The following HACE1 variants were observed in gnomAD, a reference collection of about 807,000 sequenced individuals.
HACE1 encodes the protein E3 ubiquitin-protein ligase HACE1.
HACE1 carries 73 observed loss-of-function variants against 118.4 expected under a neutral mutation model. That is an observed-to-expected ratio of 0.62 (90% CI 0.51 to 0.75). The LOEUF is 0.75. HACE1 is among the 30% of genes least tolerant of loss of function. The probability of loss-of-function intolerance (pLI) is 0.00; values close to 1 mark genes in which losing one functional copy is unlikely to be tolerated. For synonymous variants in HACE1, 368 were observed against 374.8 expected (o/e 0.98, Z 0.21); for missense variants, 749 against 1,102.2 (o/e 0.68, Z 4.54).
At chr6:104,804,037 G>T (rs910308907) in intron 7 of HACE1, among the ~76,000 whole-genome samples, 42 of 151,824 alleles carry the variant, frequency 2.8e-4, no homozygotes, top group Admixed American at 8.5e-4. Context: ...AAAATCAATG[G>T]GCAAAAATCA....
In HACE1 at chr6:104,785,018, A is replaced by G. The variant is rs1293563124; in HGVS notation, c.1376T>C (p.Phe459Ser). Residue 459 changes from phenylalanine (F) to serine (S), a missense_variant, in exon 12 of 24, where the codon TTT (phenylalanine) becomes TCT (serine). By Grantham distance (155) the Phe-to-Ser change is radical. Coordinates refer to ENST00000262903, the MANE Select transcript of HACE1 (RefSeq NM_020771.4). ...ANRLSAVIQA[F>S]YMCCSCQMPP... is the part of the protein sequence containing the mutation. ...CATCTGACAAGAACAGCACATGTAA[A>G]AAGCTTGAATGACAGCACTTAGCCG... The G allele has an allele frequency of 1.2e-6, 2 of 1,613,704 alleles. No individual in the cohort carries two copies. Among genetic ancestry groups the G allele is most frequent in the South Asian group, 2.2e-5 (2 of 90,950 alleles).
intron 7 of HACE1, among the ~76,000 whole-genome samples, chr6:104,808,600 T>G (rs983154956): frequency 6.6e-6 from 1 of 152,052 alleles, no homozygotes; most frequent in Non-Finnish European, 1.5e-5. Flanking sequence ...AGTTGACCCT[T>G]GAATATGATA....
chr6:104,732,395 C>T (rs1293186741), intron 22 of HACE1: 1 of 152,052 alleles, frequency 6.6e-6, no homozygotes, highest in Non-Finnish European at 1.5e-5. Flanking sequence ...ATATGTGCTA[C>T]AAAATGGATG....
At chr6:104,756,025 T>G (rs1778586768) in intron 19 of HACE1, among the ~76,000 whole-genome samples, 1 of 152,048 alleles carries the variant, frequency 6.6e-6, no homozygotes, top group South Asian at 2.1e-4. Context: ...ATAAAATAGA[T>G]AGACCTCTAG....
chr6:104,771,449 T>G lies in HACE1; in HGVS notation c.2015-60A>C, dbSNP rs1470881970. On this transcript the variant is annotated intron_variant, in intron 18 of 23. Transcript: ENST00000262903. ...GTTTTGCCTTCCCTTATCTATTTAA[T>G]GGTAAAATACTGCCCTCTACAGATA... is the stretch of plus-strand genomic sequence containing the variant. 3 of 1,054,020 alleles carry G rather than the reference T, an allele frequency of 2.8e-6. No individual in the cohort carries two copies. The African/African-American group carries it at 4.7e-5, about 16-fold the overall frequency. The allele number at this position is 1,054,020 out of a possible 1,614,324, so 65.3% of individuals were successfully genotyped here. A position where few individuals can be genotyped will look rare whatever the true frequency, so the allele number is the denominator to read the frequency against.
Position 104,846,296 on chromosome 6 carries a change from T to C in HACE1, c.326+2846A>G, listed in dbSNP as rs117583354. Among the ~76,000 whole-genome samples the C allele has an allele frequency of 9.3e-3, 1,415 of 152,280 alleles. 14 individuals are homozygous for C. Among genetic ancestry groups the C allele is most frequent in the Non-Finnish European group, 0.014 (966 of 68,012 alleles). Reference sequence around the variant, plus strand: ...ATGGGCCCTACCCTTTATGAGCTCATAATCACCTAAAAAATAAAGAAAAAC... The same window carrying C: ...ATGGGCCCTACCCTTTATGAGCTCACAATCACCTAAAAAATAAAGAAAAAC... On this transcript the variant is annotated intron_variant, in intron 4 of 23. Coordinates refer to ENST00000262903, the MANE Select transcript of HACE1 (RefSeq NM_020771.4).
At chr6:104,832,281 A>T (rs976256704) in intron 6 of HACE1, among the ~76,000 whole-genome samples, 2 of 152,260 alleles carry the variant, frequency 1.3e-5, no homozygotes, top group Admixed American at 6.5e-5. Context: ...ACATTTAAAA[A>T]TTTAGTATGT....
intron 6 of HACE1, among the ~76,000 whole-genome samples, chr6:104,830,650 G>A (rs1485806754): frequency 6.6e-6 from 1 of 151,762 alleles, no homozygotes; most frequent in Non-Finnish European, 1.5e-5. Context: ...GACTCAGAAA[G>A]TTTGTAACCA....
At chr6:104,809,447 A>G (rs1214456809) in intron 7 of HACE1, among the ~76,000 whole-genome samples, 1 of 152,222 alleles carries the variant, frequency 6.6e-6, no homozygotes, top group Middle Eastern at 3.4e-3. Context: ...CAAAACAAAT[A>G]CCATGTAGAA....
chr6:104,833,812 T>A (rs1001281263), intron 5 of HACE1, among the ~76,000 whole-genome samples: 3 of 151,978 alleles, frequency 2.0e-5, no homozygotes, highest in Non-Finnish European at 4.4e-5. Flanking sequence ...TGGTGAAACC[T>A]TGTCTCTACT....
intron 4 of HACE1, among the ~76,000 whole-genome samples, chr6:104,844,034 GTT>G (rs1168939477): frequency 1.4e-5 from 2 of 140,580 alleles, no homozygotes; most frequent in South Asian, 2.3e-4. Context: ...TTTTGTATGG[GTT>G]TTTTTTTTTT....
Position 104,859,828 on chromosome 6 carries a change from C to T in HACE1, c.-186G>A. 1.8e-6 allele frequency: 1 copy of T among 558,070 alleles called. No individual in the cohort carries two copies. The highest frequency in any genetic ancestry group is 3.1e-6 in the Non-Finnish European group (1 of 324,770). The allele number at this position is 558,070 out of a possible 1,614,324, so 34.6% of individuals were successfully genotyped here. A position where few individuals can be genotyped will look rare whatever the true frequency, so the allele number is the denominator to read the frequency against. ...GTCCGGGGGCCGGGCTGCTGCCGGACCGACCACCTACAGTACACCCGCCGC... is the reference window on the plus strand; with the variant it reads ...GTCCGGGGGCCGGGCTGCTGCCGGATCGACCACCTACAGTACACCCGCCGC... On this transcript the variant is annotated 5_prime_UTR_variant, in exon 1 of 24. Transcript: ENST00000262903.
intron 19 of HACE1, among the ~76,000 whole-genome samples, chr6:104,768,302 A>C (rs1242606741): frequency 6.6e-6 from 1 of 152,146 alleles, no homozygotes; most frequent in Non-Finnish European, 1.5e-5. Context: ...ATGACAAAAA[A>C]ACTTTCTACC....
At chr6:104,777,906 C>T (rs1467770717) in intron 14 of HACE1, among the ~76,000 whole-genome samples, 3 of 152,114 alleles carry the variant, frequency 2.0e-5, no homozygotes, top group Middle Eastern at 3.4e-3. Flanking sequence ...ATTGCAGGCA[C>T]GCACCACCAC....
In HACE1 at chr6:104,772,044, T is replaced by C; in HGVS notation, c.1895A>G (p.Tyr632Cys). 1 of 1,604,418 alleles carries C rather than the reference T, an allele frequency of 6.2e-7. No individual in the cohort carries two copies. Among genetic ancestry groups the C allele is most frequent in the Non-Finnish European group, 8.5e-7 (1 of 1,171,432 alleles). ...GTTFQPNSNSYVNPDHLNYFR... is the reference protein window; with the variant it reads ...GTTFQPNSNSCVNPDHLNYFR... The stretch of plus-strand genomic sequence containing the variant: ...ATAGTTCAAGTGATCAGGATTTACA[T>C]AAGAGTTGCTATTAGGCTGAAAAGT... Residue 632 changes from tyrosine to cysteine, a missense_variant, in exon 18 of 24, where the codon TAT becomes TGT. Around this residue, in one of 5 missense-constraint regions of HACE1, gnomAD observed 195 missense variants for 322.1 expected, o/e 0.61. Coordinates refer to ENST00000262903, the MANE Select transcript of HACE1 (RefSeq NM_020771.4).
At chr6:104,768,843 G>C (rs1780310662) in intron 19 of HACE1, among the ~76,000 whole-genome samples, 2 of 151,664 alleles carry the variant, frequency 1.3e-5, no homozygotes, top group Non-Finnish European at 2.9e-5. Context: ...ACAATGAAGG[G>C]TATATCCTCA....
intron 19 of HACE1, among the ~76,000 whole-genome samples, chr6:104,767,837 C>T (rs1780170869): frequency 6.6e-6 from 1 of 152,150 alleles, no homozygotes; most frequent in Admixed American, 6.6e-5. Flanking sequence ...TGCTTCACCT[C>T]TATAATTCAA....
intron 12 of HACE1, 21 bp downstream of exon 12, chr6:104,784,964 A>C: frequency 6.5e-7 from 1 of 1,531,396 alleles, no homozygotes; most frequent in South Asian, 1.1e-5. Flanking sequence ...AAAAAAAAAT[A>C]ATAAGCCAAA....
At chr6:104,795,508 A>G (rs1450523396) in intron 10 of HACE1, 71 bp downstream of exon 10, 4 of 907,544 alleles carry the variant, frequency 4.4e-6, no homozygotes, top group Non-Finnish European at 7.4e-6. Context: ...ATCCCACAGA[A>G]TAAACTACTC....
Sources: gnomAD v4.1 joint callset for allele counts (sites outside exome capture counted in the v4.1 genomes callset) on GRCh38, gnomAD v4.1.1 for gene constraint, gnomAD v4.1.1 regional missense constraint, MANE v1.5 for transcripts, NCBI Gene and HGNC (gene_info 2026-07-23, HGNC 2026-07-21) for gene names.